Variants in DLGAP1 observed in about 807,000 individuals in gnomAD.
DLGAP1 encodes the protein disks large-associated protein 1.
Under a neutral mutation model 90.8 loss-of-function variants are expected in DLGAP1, and 11 were observed. The ratio of observed to expected loss-of-function variants is 0.12; its 90% CI spans 0.08 to 0.20. DLGAP1 has a LOEUF of 0.20. Among genes scored for constraint, DLGAP1 ranks in the 10% least tolerant of loss-of-function variants. The pLI, the probability that DLGAP1 is intolerant of heterozygous loss-of-function variation, is 1.00. For synonymous variants in DLGAP1, 558 were observed against 540.7 expected (o/e 1.03, Z -0.44); for missense variants, 1,050 against 1,333.8 (o/e 0.79, Z 3.31).
intron 7 of DLGAP1, among the ~76,000 whole-genome samples, chr18:3,664,218 C>CACACACACACA (rs1555620386): frequency 7.9e-5 from 6 of 75,774 alleles, no homozygotes; most frequent in African/African-American, 2.9e-4. Context: ...ACACACACAC[C>CACACACACACA]CACACACACA....
At position 4,365,513 on chromosome 18, in the gene DLGAP1, A is replaced by C. The variant is rs184103278; in HGVS notation, c.-267+89493T>G. Among the ~76,000 whole-genome samples the C allele has an allele frequency of 4.6e-3, 700 of 152,292 alleles. 1 individual carries two copies. Among genetic ancestry groups the C allele is most frequent in the Admixed American group, 0.01 (154 of 15,302 alleles). On this transcript the variant is annotated intron_variant, in intron 1 of 12. Coordinates refer to ENST00000315677, the MANE Select transcript of DLGAP1 (RefSeq NM_004746.4). ...ATTATGTAACCCTATAAACGTACAT[A>C]AAATCATTGAATTACACAACTAAAA...
rs1049564847 is a variant in DLGAP1, at chr18:3,983,541, C to T, written c.-73+21575G>A. On this transcript the variant is annotated intron_variant, in intron 3 of 12. Coordinates refer to ENST00000315677, the MANE Select transcript of DLGAP1 (RefSeq NM_004746.4). ...CAAAATGAGCCATCTCAAGTACCAC[C>T]GCTACTTGAGACATCATTAGGTTAA... The T allele has an allele frequency of 3.9e-5, 6 of 152,104 alleles. No homozygotes were observed. In the East Asian group the frequency reaches 5.8e-4, roughly 15 times the overall value. The allele number at this position is 152,104 out of a possible 1,614,324, so 9.4% of individuals were successfully genotyped here. A position where few individuals can be genotyped will look rare whatever the true frequency, so the allele number is the denominator to read the frequency against.
At chr18:4,396,557 T>C (rs1259969315) in intron 1 of DLGAP1, among the ~76,000 whole-genome samples, 4 of 152,136 alleles carry the variant, frequency 2.6e-5, no homozygotes, top group Admixed American at 1.3e-4. Context: ...AGATAAACCA[T>C]GTGGAGCTGA....
chr18:3,890,337 A>G (rs1342242024), intron 3 of DLGAP1, among the ~76,000 whole-genome samples: 1 of 152,264 alleles, frequency 6.6e-6, no homozygotes. Flanking sequence ...CCATGTAAGA[A>G]GTGAGAAGGA....
At chr18:4,360,499 A>T (rs1357157756) in intron 1 of DLGAP1, among the ~76,000 whole-genome samples, 1 of 152,238 alleles carries the variant, frequency 6.6e-6, no homozygotes, top group African/African-American at 2.4e-5. Flanking sequence ...GGAGTTATGC[A>T]AATGAAATAT....
chr18:3,760,126 G>A (rs899482232), intron 5 of DLGAP1, among the ~76,000 whole-genome samples: 2 of 152,094 alleles, frequency 1.3e-5, no homozygotes, highest in African/African-American at 4.8e-5. Flanking sequence ...GTCAGCACAG[G>A]GTCCGACATG....
intron 1 of DLGAP1, among the ~76,000 whole-genome samples, chr18:4,357,555 G>A (rs1448125872): frequency 1.3e-5 from 2 of 152,074 alleles, no homozygotes; most frequent in Non-Finnish European, 2.9e-5. Flanking sequence ...ATATAATCGT[G>A]GCCTGAATGA....
chr18:4,248,314 C>CT (rs2078697672), intron 1 of DLGAP1, among the ~76,000 whole-genome samples: 1 of 152,338 alleles, frequency 6.6e-6, no homozygotes, highest in East Asian at 1.9e-4. Context: ...CCGAACCATA[C>CT]TTTCAGTTCC....
chr18:4,093,582 TC>T (rs773269651), intron 2 of DLGAP1, among the ~76,000 whole-genome samples: 5 of 101,624 alleles, frequency 4.9e-5, no homozygotes, highest in Non-Finnish European at 6.9e-5. Flanking sequence ...TAAACATTAA[TC>T]AAAAAAAAAA....
intron 7 of DLGAP1, among the ~76,000 whole-genome samples, chr18:3,618,894 G>C (rs1018124615): frequency 6.6e-6 from 1 of 150,612 alleles, no homozygotes; most frequent in Admixed American, 6.6e-5. Flanking sequence ...AGCCGAGATC[G>C]TGTCACTGCA....
At chr18:4,191,540 AT>A (rs1225469861) in intron 1 of DLGAP1, among the ~76,000 whole-genome samples, 1 of 151,950 alleles carries the variant, frequency 6.6e-6, no homozygotes. Flanking sequence ...TTCTGTTTTC[AT>A]TTTTTCTCCT....
At chr18:3,765,376 C>T (rs1484551694) in intron 5 of DLGAP1, among the ~76,000 whole-genome samples, 18 of 150,916 alleles carry the variant, frequency 1.2e-4, no homozygotes, top group Admixed American at 3.3e-4. Flanking sequence ...ATGATCTGCC[C>T]ACCTTGGCCT....
At chr18:3,558,915 C>T (rs185734677) in intron 9 of DLGAP1, among the ~76,000 whole-genome samples, 6 of 152,340 alleles carry the variant, frequency 3.9e-5, no homozygotes, top group South Asian at 2.1e-4. Flanking sequence ...CCTGCAGCTA[C>T]AGCCTTTAAC....
chr18:4,282,661 A>G (rs188298198), intron 1 of DLGAP1, among the ~76,000 whole-genome samples: 1 of 152,224 alleles, frequency 6.6e-6, no homozygotes, highest in Admixed American at 6.5e-5. Context: ...AGCATTAACA[A>G]ATTTTTATAT....
At chr18:4,077,290 A>T (rs1254170135) in intron 2 of DLGAP1, among the ~76,000 whole-genome samples, 1 of 152,156 alleles carries the variant, frequency 6.6e-6, no homozygotes, top group African/African-American at 2.4e-5. Flanking sequence ...ATCAATTTTC[A>T]CTTTCATGTT....
intron 1 of DLGAP1, among the ~76,000 whole-genome samples, chr18:4,380,262 T>C (rs1423119773): frequency 6.6e-6 from 1 of 152,138 alleles, no homozygotes; most frequent in African/African-American, 2.4e-5. Flanking sequence ...ATTTTGAAAA[T>C]TATTCTTGTT....
chr18:4,439,426 A>G lies in DLGAP1; in HGVS notation c.-267+15580T>C, dbSNP rs141628607. On this transcript the variant is annotated intron_variant, in intron 1 of 12. Coordinates refer to ENST00000315677, the MANE Select transcript of DLGAP1 (RefSeq NM_004746.4). ...TATTTCATATTCATTCTTTAGACAAATATTTATTAAGAAGTTCTATGCTAA... is the reference window on the plus strand; with the variant it reads ...TATTTCATATTCATTCTTTAGACAAGTATTTATTAAGAAGTTCTATGCTAA... Among the ~76,000 whole-genome samples the G allele has an allele frequency of 8.0e-3, 1,220 of 152,302 alleles. 21 individuals carry two copies. Among genetic ancestry groups the G allele is most frequent in the African/African-American group, 0.028 (1,143 of 41,546 alleles).
chr18:3,855,736 G>T (rs2069602629), intron 4 of DLGAP1, among the ~76,000 whole-genome samples: 1 of 151,976 alleles, frequency 6.6e-6, no homozygotes, highest in Non-Finnish European at 1.5e-5. Context: ...ACCTCAGCCT[G>T]CCAAGTAGCT....
intron 7 of DLGAP1, among the ~76,000 whole-genome samples, chr18:3,624,243 CTGTT>C (rs1381506828): frequency 6.6e-6 from 1 of 152,230 alleles, no homozygotes; most frequent in Non-Finnish European, 1.5e-5. Context: ...CGTGAACCGT[CTGTT>C]TGTGCGCATA....
Sources: gnomAD v4.1 joint callset for allele counts (sites outside exome capture counted in the v4.1 genomes callset) on GRCh38, gnomAD v4.1.1 for gene constraint, MANE v1.5 for transcripts, NCBI Gene and HGNC (gene_info 2026-07-23, HGNC 2026-07-21) for gene names.